PDGFC: variants seen among roughly 807,000 people sequenced by gnomAD.
PDGFC encodes platelet-derived growth factor C.
PDGFC carries 12 observed loss-of-function variants against 35.5 expected under a neutral mutation model. That is an observed-to-expected ratio of 0.34 (90% CI 0.22 to 0.55). PDGFC has a LOEUF of 0.55. PDGFC is among the 20% of genes least tolerant of loss of function. The probability of loss-of-function intolerance (pLI) is 0.91; values close to 1 mark genes in which losing one functional copy is unlikely to be tolerated. For synonymous variants in PDGFC, 159 were observed against 148.8 expected (o/e 1.07, Z -0.50); for missense variants, 322 against 412.4 (o/e 0.78, Z 1.90).
chr4:156,840,114 A>G (rs1384195516), intron 2 of PDGFC, among the ~76,000 whole-genome samples: 4 of 152,234 alleles, frequency 2.6e-5, no homozygotes, highest in Non-Finnish European at 5.9e-5. Context: ...CATAAGTAAC[A>G]AGGAGCCAAA....
intron 1 of PDGFC, among the ~76,000 whole-genome samples, chr4:156,957,486 C>T (rs867506091): frequency 6.6e-6 from 1 of 151,878 alleles, no homozygotes; most frequent in Non-Finnish European, 1.5e-5. Context: ...ATTTTTCTCT[C>T]TCTCCTTCCT....
At chr4:156,886,668 G>C (rs1363103653) in intron 1 of PDGFC, 2 of 152,146 alleles carry the variant, frequency 1.3e-5, no homozygotes, top group Non-Finnish European at 2.9e-5. Flanking sequence ...GCTAGTGACT[G>C]TTCTAAACAG....
chr4:156,951,743 A>C (rs932484383), intron 1 of PDGFC, among the ~76,000 whole-genome samples: 3 of 151,392 alleles, frequency 2.0e-5, no homozygotes, highest in African/African-American at 4.8e-5. Context: ...AAAAAAAAAA[A>C]AAACAAAAAA....
At chr4:156,890,109 C>T (rs1199094003) in intron 1 of PDGFC, among the ~76,000 whole-genome samples, 2 of 151,962 alleles carry the variant, frequency 1.3e-5, no homozygotes, top group East Asian at 3.9e-4. Flanking sequence ...AGGGAGGGCA[C>T]TGGTCTGGAA....
chr4:156,851,171 G>A (rs533731504), intron 1 of PDGFC, among the ~76,000 whole-genome samples: 5 of 152,296 alleles, frequency 3.3e-5, no homozygotes, highest in African/African-American at 1.2e-4. Flanking sequence ...AGCTTCACGT[G>A]AACTGGAATT....
chr4:156,821,046 C>T (rs1219462177), intron 2 of PDGFC, among the ~76,000 whole-genome samples: 1 of 152,044 alleles, frequency 6.6e-6, no homozygotes, highest in Non-Finnish European at 1.5e-5. Flanking sequence ...CCCATGAGAA[C>T]AGATTGTGGT....
At chr4:156,970,721 G>T in intron 1 of PDGFC, 65 bp downstream of exon 1, 2 of 998,614 alleles carry the variant, frequency 2.0e-6, no homozygotes, top group African/African-American at 1.6e-5. Flanking sequence ...ACATACCAAC[G>T]CACAATGCCA....
chr4:156,843,666 G>C (rs1378603368), intron 2 of PDGFC, among the ~76,000 whole-genome samples: 1 of 152,060 alleles, frequency 6.6e-6, no homozygotes, highest in Non-Finnish European at 1.5e-5. Flanking sequence ...CTGCCATCAT[G>C]AACAAGACTG....
chr4:156,829,992 C>T (rs1309088786), intron 2 of PDGFC, among the ~76,000 whole-genome samples: 2 of 151,802 alleles, frequency 1.3e-5, no homozygotes, highest in African/African-American at 2.4e-5. Context: ...TTAATAGAAC[C>T]AAATAGAAAC....
chr4:156,936,704 A>C (rs1045840294), intron 1 of PDGFC, among the ~76,000 whole-genome samples: 3 of 152,216 alleles, frequency 2.0e-5, no homozygotes, highest in South Asian at 4.1e-4. Flanking sequence ...AAAGACTGAC[A>C]TGTCGGACAC....
At chr4:156,821,539 C>T (rs1593357) in intron 2 of PDGFC, among the ~76,000 whole-genome samples, 58,337 of 151,720 alleles carry the variant, frequency 0.38, 14,277 homozygotes, top group African/African-American at 0.69. Context: ...CCACTCTCTA[C>T]GTATATTTAT....
At chr4:156,768,283 AC>A (rs1239631986) in intron 4 of PDGFC, among the ~76,000 whole-genome samples, 2 of 149,934 alleles carry the variant, frequency 1.3e-5, no homozygotes, top group Non-Finnish European at 3.0e-5. Context: ...GAAACTTTAT[AC>A]AGACAAAAAA....
intron 1 of PDGFC, among the ~76,000 whole-genome samples, chr4:156,897,350 A>ATGTGTATGTGTGTGTG (rs1730658266): frequency 7.0e-6 from 1 of 142,986 alleles, no homozygotes; most frequent in Non-Finnish European, 1.5e-5. Context: ...GTGAGAGTGT[A>ATGTGTATGTGTGTGTG]TGTGTGTGTG....
chr4:156,858,632 T>A (rs1323814029), intron 1 of PDGFC, among the ~76,000 whole-genome samples: 1 of 152,094 alleles, frequency 6.6e-6, no homozygotes, highest in Non-Finnish European at 1.5e-5. Flanking sequence ...ATTGATTTTT[T>A]AAATATGTAA....
At chr4:156,956,031 T>A (rs563362868) in intron 1 of PDGFC, among the ~76,000 whole-genome samples, 55 of 152,138 alleles carry the variant, frequency 3.6e-4, no homozygotes, top group African/African-American at 1.2e-3. Context: ...TCTAAGCATA[T>A]GTCTAGTGTA....
intron 5 of PDGFC, among the ~76,000 whole-genome samples, chr4:156,766,632 T>C (rs1378238625): frequency 6.6e-6 from 1 of 152,120 alleles, no homozygotes; most frequent in Admixed American, 6.6e-5. Flanking sequence ...TTCCACTAAA[T>C]AAAATAACAT....
chr4:156,894,145 T>G (rs534528340), intron 1 of PDGFC, among the ~76,000 whole-genome samples: 3 of 152,318 alleles, frequency 2.0e-5, no homozygotes, highest in South Asian at 4.1e-4. Flanking sequence ...TTCATCACTG[T>G]AAGTATATTA....
intron 5 of PDGFC, 52 bp downstream of exon 5, chr4:156,767,721 T>C: frequency 8.8e-7 from 1 of 1,130,700 alleles, no homozygotes. Flanking sequence ...CACTGTTTTG[T>C]TCTAAGACAT....
chr4:156,822,771 A>T lies in PDGFC; in HGVS notation c.315-11754T>A, dbSNP rs116190936. 6.8e-3 allele frequency among the ~76,000 whole-genome samples: 1,034 copies of T among 151,944 alleles called. 15 individuals are homozygous for T. The highest frequency in any genetic ancestry group is 0.024 in the African/African-American group (987 of 41,424). ...CATATTCTCTTTTATTTATTTATTTATTTTTTTGAGATGGAGTTTTGCTCC... is the reference window on the plus strand; with the variant it reads ...CATATTCTCTTTTATTTATTTATTTTTTTTTTTGAGATGGAGTTTTGCTCC... On this transcript the variant is annotated intron_variant, in intron 2 of 5. Coordinates refer to ENST00000502773, the MANE Select transcript of PDGFC (RefSeq NM_016205.3).
Sources: gnomAD v4.1 joint callset for allele counts (sites outside exome capture counted in the v4.1 genomes callset) on GRCh38, gnomAD v4.1.1 for gene constraint, MANE v1.5 for transcripts, NCBI Gene and HGNC (gene_info 2026-07-23, HGNC 2026-07-21) for gene names.